Variants in FRMD4A observed in about 807,000 individuals in gnomAD.
The protein encoded by FRMD4A is FERM domain-containing protein 4A.
Under a neutral mutation model 129.1 loss-of-function variants are expected in FRMD4A, and 29 were observed. That is an observed-to-expected ratio of 0.22 (90% confidence interval 0.17 to 0.31). FRMD4A has a LOEUF of 0.31. Ranked by LOEUF, FRMD4A falls within the 10% of genes least tolerant of loss-of-function variation. The pLI, the probability that FRMD4A is intolerant of heterozygous loss-of-function variation, is 1.00. For missense variants in FRMD4A, 1,272 were observed against 1,375.8 expected (o/e 0.92, Z 1.19); for synonymous variants, 634 against 571.6 (o/e 1.11, Z -1.56).
intron 2 of FRMD4A, among the ~76,000 whole-genome samples, chr10:13,946,305 T>A (rs1246010027): frequency 1.3e-5 from 2 of 152,136 alleles, no homozygotes; most frequent in African/African-American, 4.8e-5. Context: ...AACCAGGAAG[T>A]TGAAAGAGGT....
Position 13,670,414 on chromosome 10 carries a change from T to C in FRMD4A, c.1366A>G (p.Lys456Glu). Residue 456 changes from lysine (K) to glutamate (E), a missense_variant, in exon 17 of 25, where the codon AAA becomes GAA. Lys to Glu is a moderately conservative substitution (Grantham distance 56, BLOSUM62 1). Transcript: ENST00000357447. ...FKLDEQKILP[K>E]GEEAELERLE... ...AGAAAGGAAGGACGCACCTCTCCTT[T>C]GGGCAGGATTTTCTGTTCATCCAGT... The C allele has an allele frequency of 1.2e-6, 2 of 1,613,264 alleles. No individual in the cohort carries two copies. Among genetic ancestry groups the C allele is most frequent in the Non-Finnish European group, 1.7e-6 (2 of 1,179,470 alleles).
At chr10:14,024,749 G>A (rs189462649) in intron 2 of FRMD4A, among the ~76,000 whole-genome samples, 94 of 152,352 alleles carry the variant, frequency 6.2e-4, no homozygotes, top group African/African-American at 2.2e-3. Context: ...CTGGCCAAGC[G>A]CAGAGAACCT....
At chr10:13,823,176 T>TG (rs1433201051) in intron 3 of FRMD4A, among the ~76,000 whole-genome samples, 1 of 152,180 alleles carries the variant, frequency 6.6e-6, no homozygotes, top group Admixed American at 6.5e-5. Flanking sequence ...TACATAATGA[T>TG]TGCTCCTCTA....
chr10:13,988,310 T>C (rs1377434134), intron 2 of FRMD4A, among the ~76,000 whole-genome samples: 1 of 152,222 alleles, frequency 6.6e-6, no homozygotes, highest in Non-Finnish European at 1.5e-5. Context: ...CATAGTGGAC[T>C]CTTCGACCTT....
At chr10:14,009,228 C>T (rs35222434) in intron 2 of FRMD4A, among the ~76,000 whole-genome samples, 29,206 of 152,108 alleles carry the variant, frequency 0.19, 3,386 homozygotes, top group East Asian at 0.45. Context: ...TCTACTCCTC[C>T]TGAAATCGGC....
chr10:13,813,271 C>A (rs1220595472), intron 3 of FRMD4A, among the ~76,000 whole-genome samples: 1 of 152,182 alleles, frequency 6.6e-6, no homozygotes, highest in Non-Finnish European at 1.5e-5. Flanking sequence ...ATGGCAAAAC[C>A]TTGTCTCTAC....
intron 2 of FRMD4A, among the ~76,000 whole-genome samples, chr10:14,047,796 G>A (rs1310963320): frequency 2.0e-5 from 3 of 152,206 alleles, no homozygotes; most frequent in Admixed American, 2.0e-4. Flanking sequence ...GAGTGGCAAA[G>A]CGGTGACTTG....
chr10:13,863,618 C>A (rs1294546836), intron 2 of FRMD4A, among the ~76,000 whole-genome samples: 5 of 151,682 alleles, frequency 3.3e-5, no homozygotes, highest in Admixed American at 3.3e-4. Context: ...ACAAATGATA[C>A]GTATCCTAAT....
At chr10:13,916,199 C>G (rs1439384441) in intron 2 of FRMD4A, among the ~76,000 whole-genome samples, 1 of 152,202 alleles carries the variant, frequency 6.6e-6, no homozygotes, top group African/African-American at 2.4e-5. Context: ...ATTCTCTCTT[C>G]CCCACCAGGG....
intron 4 of FRMD4A, among the ~76,000 whole-genome samples, chr10:13,810,087 G>A (rs559239527): frequency 6.6e-6 from 1 of 152,246 alleles, no homozygotes; most frequent in African/African-American, 2.4e-5. Context: ...CAGAGAGAGA[G>A]AGAGAGAGTC....
chr10:13,902,456 GGAGAGAGAGAGAGAGAGAGA>G (rs140040052), intron 2 of FRMD4A, among the ~76,000 whole-genome samples: 1 of 127,700 alleles, frequency 7.8e-6, no homozygotes, highest in Non-Finnish European at 1.6e-5. Context: ...GCAAAATACT[GGAGAGAGAGAGAGAGAGAGA>G]GAGAGAGAGA....
intron 2 of FRMD4A, among the ~76,000 whole-genome samples, chr10:13,900,267 T>C (rs1037782285): frequency 1.3e-5 from 2 of 152,222 alleles, no homozygotes; most frequent in African/African-American, 4.8e-5. Flanking sequence ...ATTTTGTTAT[T>C]TTTTCACCAA....
chr10:13,851,192 C>T (rs531861809), intron 3 of FRMD4A, among the ~76,000 whole-genome samples: 25 of 151,856 alleles, frequency 1.6e-4, no homozygotes, highest in South Asian at 4.2e-4. Flanking sequence ...CCAGCCTGGG[C>T]GACAGAGTGA....
chr10:13,987,805 G>A (rs552760385), intron 2 of FRMD4A, among the ~76,000 whole-genome samples: 142 of 152,270 alleles, frequency 9.3e-4, no homozygotes, highest in African/African-American at 3.1e-3. Flanking sequence ...AGAGGACATC[G>A]TACAATTTAA....
chr10:13,654,511 A>G lies in FRMD4A; in HGVS notation c.2955T>C (p.Ala985=), dbSNP rs1302567229. The G allele has an allele frequency of 1.9e-6, 3 of 1,604,166 alleles. No individual in the cohort carries two copies. The highest frequency in any genetic ancestry group is 1.7e-5 in the Admixed American group (1 of 59,960). The change falls in exon 23 of 25, where the codon GCT becomes GCC. Residue 985 remains alanine, a splice_region_variant and synonymous_variant. Coordinates refer to ENST00000357447, the MANE Select transcript of FRMD4A (RefSeq NM_018027.5). ...AGCTTCTCTGGCTTTGAGGTAAGGC[A>G]GCTACATGCAGGTGGTGCAAGAAAG... is the stretch of plus-strand genomic sequence containing the variant. ...RMPQMCKATS[A]ALPQSQRSST... is the part of the protein sequence containing the mutation.
At chr10:13,691,494 A>C (rs1186446610) in intron 15 of FRMD4A, among the ~76,000 whole-genome samples, 1 of 151,924 alleles carries the variant, frequency 6.6e-6, no homozygotes, top group Non-Finnish European at 1.5e-5. Flanking sequence ...TGGGCAACAC[A>C]CCCACCCCAA....
intron 2 of FRMD4A, among the ~76,000 whole-genome samples, chr10:14,065,976 C>T (rs183408641): frequency 2.0e-5 from 3 of 146,974 alleles, no homozygotes; most frequent in East Asian, 2.0e-4. Flanking sequence ...CAGAAAACAA[C>T]GTATGAGGAA....
chr10:13,786,316 A>G (rs141410220), intron 5 of FRMD4A, among the ~76,000 whole-genome samples: 2 of 152,212 alleles, frequency 1.3e-5, no homozygotes, highest in Non-Finnish European at 2.9e-5. Flanking sequence ...TTTGATTTTC[A>G]AAAAATAAAT....
intron 2 of FRMD4A, among the ~76,000 whole-genome samples, chr10:14,031,296 T>C (rs1369646127): frequency 2.0e-5 from 3 of 151,738 alleles, no homozygotes; most frequent in Admixed American, 6.6e-5. Flanking sequence ...AGATGGAGTT[T>C]CACTCTTGTT....
Sources: allele counts gnomAD v4.1 joint callset (sites outside exome capture counted in the v4.1 genomes callset), GRCh38; gene constraint gnomAD v4.1.1; transcripts MANE v1.5; gene names NCBI Gene and HGNC (gene_info 2026-07-23, HGNC 2026-07-21).